Variants in KLF12 observed in about 807,000 individuals in gnomAD.
KLF12 encodes the protein KLF transcription factor 12.
KLF12 carries 9 observed loss-of-function variants against 37.8 expected under a neutral mutation model. The ratio of observed to expected loss-of-function variants is 0.24; its 90% CI spans 0.14 to 0.42. The LOEUF (loss-of-function observed/expected upper bound fraction) is 0.42. KLF12 is among the 10% of genes least tolerant of loss of function. The pLI, the probability that KLF12 is intolerant of heterozygous loss-of-function variation, is 1.00. For synonymous variants in KLF12, 208 were observed against 202.1 expected (o/e 1.03, Z -0.25); for missense variants, 411 against 516.0 (o/e 0.80, Z 1.97).
chr13:73,810,310 A>G (rs991257622), intron 5 of KLF12, among the ~76,000 whole-genome samples: 1 of 152,216 alleles, frequency 6.6e-6, no homozygotes, highest in East Asian at 1.9e-4. Flanking sequence ...GTTTCTATTA[A>G]ACAGTTACAC....
At position 73,686,289 on chromosome 13, in the gene KLF12, A is replaced by G. The variant is rs192111552; in HGVS notation, c.*9201T>C. ...TAACACTTGTTCATTTAAATCTCTG[A>G]GAATAGACTGGAATAATCATCCTCT... On this transcript the variant is annotated 3_prime_UTR_variant, in exon 8 of 8. Transcript: ENST00000377669. 3.3e-5 allele frequency: 5 copies of G among 152,760 alleles called. No homozygotes were observed. Among genetic ancestry groups the G allele is most frequent in the Admixed American group, 1.3e-4 (2 of 15,308 alleles). 9.5% of individuals were successfully genotyped at this position (152,760 alleles called of 1,614,324 possible).
intron 4 of KLF12, among the ~76,000 whole-genome samples, chr13:73,817,741 G>A (rs964706392): frequency 1.3e-5 from 2 of 152,132 alleles, no homozygotes; most frequent in African/African-American, 4.8e-5. Flanking sequence ...TTTAACCAAC[G>A]GAGCTGTCTC....
chr13:74,103,414 T>A (rs1876473713), intron 1 of KLF12, among the ~76,000 whole-genome samples: 1 of 152,170 alleles, frequency 6.6e-6, no homozygotes, highest in South Asian at 2.1e-4. Context: ...CCAAGAAATA[T>A]CATCAGCAGT....
At chr13:74,152,879 A>G in the KLF12 span, among the ~76,000 whole-genome samples, 5 of 121,278 alleles carry the variant, frequency 4.1e-5, no homozygotes, top group East Asian at 1.1e-3. Context: ...GTGAGACCCC[A>G]TTACAGATAA....
chr13:73,774,078 C>T (rs1254255430), intron 5 of KLF12, among the ~76,000 whole-genome samples: 2 of 152,108 alleles, frequency 1.3e-5, no homozygotes, highest in South Asian at 4.1e-4. Context: ...TTCTCCCTAG[C>T]TCACCACTTT....
At chr13:74,062,922 C>T (rs1873689686) in intron 1 of KLF12, among the ~76,000 whole-genome samples, 1 of 152,180 alleles carries the variant, frequency 6.6e-6, no homozygotes, top group African/African-American at 2.4e-5. Flanking sequence ...CCTGAAAAGG[C>T]TAGAGATCCT....
At chr13:74,162,866 A>T in the KLF12 span, among the ~76,000 whole-genome samples, 1 of 152,222 alleles carries the variant, frequency 6.6e-6, no homozygotes, top group South Asian at 2.1e-4. Context: ...TATGCAAGAA[A>T]AGGGATTACA....
At chr13:73,778,466 C>T (rs1378151536) in intron 5 of KLF12, among the ~76,000 whole-genome samples, 1 of 152,158 alleles carries the variant, frequency 6.6e-6, no homozygotes, top group Non-Finnish European at 1.5e-5. Flanking sequence ...CTCAAGCGAT[C>T]CCTCTGCCTC....
At chr13:73,934,477 CCCATATGTTTA>C (rs1408380257) in intron 3 of KLF12, among the ~76,000 whole-genome samples, 2 of 152,122 alleles carry the variant, frequency 1.3e-5, no homozygotes, top group African/African-American at 4.8e-5. Flanking sequence ...TTTATATTGA[CCCATATGTTTA>C]CCATTACTCA....
intron 3 of KLF12, among the ~76,000 whole-genome samples, chr13:73,892,689 T>C (rs1187932074): frequency 2.0e-5 from 3 of 152,198 alleles, no homozygotes; most frequent in South Asian, 4.1e-4. Context: ...CATAGAGTTA[T>C]GGATTGCTAG....
At chr13:74,038,886 C>T (rs540417674) in intron 1 of KLF12, among the ~76,000 whole-genome samples, 1 of 151,636 alleles carries the variant, frequency 6.6e-6, no homozygotes, top group Non-Finnish European at 1.5e-5. Flanking sequence ...ACATGTAAAA[C>T]TTAGGGACGA....
the KLF12 span, among the ~76,000 whole-genome samples, chr13:74,245,308 T>TCTAG: frequency 1.4e-5 from 2 of 145,710 alleles, no homozygotes; most frequent in Non-Finnish European, 3.0e-5. Flanking sequence ...TATCTATCTA[T>TCTAG]CTATCTATCT....
At chr13:74,183,885 C>T in the KLF12 span, among the ~76,000 whole-genome samples, 1 of 152,130 alleles carries the variant, frequency 6.6e-6, no homozygotes, top group African/African-American at 2.4e-5. Context: ...TACCAGTCAG[C>T]CAAGATCACA....
At chr13:74,172,181 C>T in the KLF12 span, among the ~76,000 whole-genome samples, 2 of 61,688 alleles carry the variant, frequency 3.2e-5, no homozygotes, top group South Asian at 6.5e-4. Context: ...ACTCTACTGA[C>T]ATGTGTTCCC....
chr13:74,267,916 C>T, the KLF12 span, among the ~76,000 whole-genome samples: 2 of 151,836 alleles, frequency 1.3e-5, no homozygotes, highest in Non-Finnish European at 2.9e-5. Flanking sequence ...ACAGAGAAGG[C>T]CATGTGAAGA....
At chr13:74,192,938 AGAATCAGATT>A in the KLF12 span, among the ~76,000 whole-genome samples, 1 of 151,820 alleles carries the variant, frequency 6.6e-6, no homozygotes, top group Non-Finnish European at 1.5e-5. Context: ...AGGTATCCTT[AGAATCAGATT>A]GAAAGCTCTT....
the KLF12 span, among the ~76,000 whole-genome samples, chr13:74,239,853 G>T: frequency 6.6e-6 from 1 of 151,626 alleles, no homozygotes; most frequent in Admixed American, 6.6e-5. Context: ...ACGTGAGATG[G>T]GTCTCCTGAA....
chr13:73,760,642 G>A (rs924091006), intron 6 of KLF12, among the ~76,000 whole-genome samples: 2 of 152,060 alleles, frequency 1.3e-5, no homozygotes, highest in Non-Finnish European at 2.9e-5. Context: ...TATTAATAAC[G>A]CTGTATTTCC....
At chr13:74,115,738 G>C (rs1877262198) in intron 1 of KLF12, among the ~76,000 whole-genome samples, 1 of 150,128 alleles carries the variant, frequency 6.7e-6, no homozygotes, top group African/African-American at 2.5e-5. Context: ...CTTGCCTCTT[G>C]CAACCTCTGG....
Sources: gnomAD v4.1 joint callset for allele counts (sites outside exome capture counted in the v4.1 genomes callset) on GRCh38, gnomAD v4.1.1 for gene constraint, MANE v1.5 for transcripts, NCBI Gene and HGNC (gene_info 2026-07-23, HGNC 2026-07-21) for gene names.